The following PRKG1 variants were observed in gnomAD, a reference collection of about 807,000 sequenced individuals.
The protein encoded by PRKG1 is cGMP-dependent protein kinase 1.
PRKG1 carries 35 observed loss-of-function variants against 88.1 expected under a neutral mutation model. The observed-to-expected ratio is 0.40, with a 90% confidence interval of 0.30 to 0.53. PRKG1 has a LOEUF of 0.53. Among genes scored for constraint, PRKG1 ranks in the 20% least tolerant of loss-of-function variants. The pLI, the probability that PRKG1 is intolerant of heterozygous loss-of-function variation, is 0.59. For missense variants in PRKG1, 540 were observed against 839.8 expected (o/e 0.64, Z 4.41); for synonymous variants, 303 against 292.5 (o/e 1.04, Z -0.37).
At chr10:51,225,467 G>T (rs893277421) in intron 2 of PRKG1, among the ~76,000 whole-genome samples, 2 of 152,070 alleles carry the variant, frequency 1.3e-5, no homozygotes, top group Non-Finnish European at 2.9e-5. Context: ...CCAAAGAAAG[G>T]TCTACCAGGA....
At chr10:52,125,504 G>C (rs756889186) in intron 7 of PRKG1, among the ~76,000 whole-genome samples, 1 of 152,070 alleles carries the variant, frequency 6.6e-6, no homozygotes, top group East Asian at 1.9e-4. Context: ...TCACTTATCT[G>C]CAGGGAATAT....
At chr10:52,001,260 A>G (rs71508096) in intron 5 of PRKG1, among the ~76,000 whole-genome samples, 6 of 152,078 alleles carry the variant, frequency 3.9e-5, no homozygotes, top group Admixed American at 3.9e-4. Context: ...CACTTCAGTT[A>G]TAAGAAGAAT....
Position 51,412,215 on chromosome 10 carries a change from A to AG in PRKG1, c.479-55508_479-55507insG, listed in dbSNP as rs1564483266. Among the ~76,000 whole-genome samples, 931 of 120,126 alleles carry AG rather than the reference A, an allele frequency of 7.8e-3. 10 individuals carry two copies. Among genetic ancestry groups the AG allele is most frequent in the Non-Finnish European group, 8.8e-3 (533 of 60,322 alleles). 78.8% of individuals were successfully genotyped at this position (120,126 alleles called of 152,430 possible). A position where few individuals can be genotyped will look rare whatever the true frequency, so the allele number is the denominator to read the frequency against. On this transcript the variant is annotated intron_variant, in intron 2 of 17. Transcript: ENST00000373980. The stretch of plus-strand genomic sequence containing the variant: ...AGAGAGAGAGAGAGAGAGAGAGAGA[A>AG]AGAAAGAGAGAAAGAATTGTTCAGA...
intron 3 of PRKG1, among the ~76,000 whole-genome samples, chr10:51,770,021 G>A (rs1483270448): frequency 6.6e-6 from 1 of 152,210 alleles, no homozygotes; most frequent in Non-Finnish European, 1.5e-5. Context: ...CTAGGTTAAT[G>A]TATGTCTGTA....
intron 1 of PRKG1, among the ~76,000 whole-genome samples, chr10:51,126,032 A>T (rs1349651099): frequency 8.0e-6 from 1 of 124,338 alleles, no homozygotes; most frequent in African/African-American, 3.2e-5. Flanking sequence ...ATATATAATT[A>T]TATCTAATAT....
Position 51,166,999 on chromosome 10 carries a change from C to G in PRKG1, c.478+13669C>G, listed in dbSNP as rs1308385265. The stretch of plus-strand genomic sequence containing the variant: ...ATTAGTTCTTACATTCAAGAAACAC[C>G]TACTCAGTGATGATTATGTCTCAGT... On this transcript the variant is annotated intron_variant, in intron 2 of 17. Coordinates refer to ENST00000373980, the MANE Select transcript of PRKG1 (RefSeq NM_006258.4). Among the ~76,000 whole-genome samples, 5 of 151,954 alleles carry G rather than the reference C, an allele frequency of 3.3e-5. No individual in the cohort carries two copies. In the East Asian group the frequency reaches 9.6e-4, roughly 29 times the overall value.
At chr10:52,014,251 G>T (rs1564429636) in intron 5 of PRKG1, among the ~76,000 whole-genome samples, 2 of 152,194 alleles carry the variant, frequency 1.3e-5, no homozygotes, top group East Asian at 3.9e-4. Context: ...ATATGGCTAG[G>T]GAGGCCTCAA....
chr10:51,125,920 T>C (rs1845386708), intron 1 of PRKG1, among the ~76,000 whole-genome samples: 2 of 133,648 alleles, frequency 1.5e-5, no homozygotes, highest in African/African-American at 5.7e-5. Context: ...AATTTATAAA[T>C]ATATAAATTA....
intron 2 of PRKG1, among the ~76,000 whole-genome samples, chr10:51,254,810 G>A (rs554042472): frequency 1.9e-4 from 29 of 152,074 alleles, no homozygotes; most frequent in African/African-American, 6.5e-4. Flanking sequence ...CCAAATTTGT[G>A]TTACCTGAGG....
At chr10:52,028,009 G>A (rs575783874) in intron 5 of PRKG1, among the ~76,000 whole-genome samples, 13 of 152,152 alleles carry the variant, frequency 8.5e-5, no homozygotes, top group East Asian at 3.9e-4. Context: ...GGCTGGTCTC[G>A]AACTCCTGAC....
intron 2 of PRKG1, among the ~76,000 whole-genome samples, chr10:51,464,752 G>T (rs1371677653): frequency 2.7e-5 from 4 of 150,236 alleles, no homozygotes; most frequent in African/African-American, 7.3e-5. Context: ...TTAGCCGGGC[G>T]TAGTGGCGGG....
chr10:51,990,636 G>T (rs1034839344), intron 5 of PRKG1, among the ~76,000 whole-genome samples: 1 of 151,994 alleles, frequency 6.6e-6, no homozygotes, highest in Non-Finnish European at 1.5e-5. Flanking sequence ...GTGTCATGGA[G>T]GGTTGTTGTA....
At chr10:51,370,293 G>T (rs568374289) in intron 2 of PRKG1, among the ~76,000 whole-genome samples, 1 of 152,128 alleles carries the variant, frequency 6.6e-6, no homozygotes, top group African/African-American at 2.4e-5. Context: ...AGATGTAAAC[G>T]CTCCCTGGGT....
intron 8 of PRKG1, among the ~76,000 whole-genome samples, chr10:52,159,329 T>A (rs1838217384): frequency 6.6e-6 from 1 of 151,570 alleles, no homozygotes; most frequent in African/African-American, 2.4e-5. Context: ...CATAGAACAT[T>A]CATATTTTAA....
chr10:51,002,415 A>G (rs1486551269), intron 1 of PRKG1, among the ~76,000 whole-genome samples: 1 of 152,204 alleles, frequency 6.6e-6, no homozygotes, highest in Non-Finnish European at 1.5e-5. Context: ...ATATTTTAAT[A>G]ATCAAGTTAA....
At chr10:51,946,688 C>T (rs1413674253) in intron 5 of PRKG1, among the ~76,000 whole-genome samples, 1 of 152,070 alleles carries the variant, frequency 6.6e-6, no homozygotes, top group Non-Finnish European at 1.5e-5. Context: ...AGACAGGACC[C>T]TCAGCTGCAG....
chr10:52,076,368 C>G (rs1846629068), intron 7 of PRKG1, among the ~76,000 whole-genome samples: 1 of 152,198 alleles, frequency 6.6e-6, no homozygotes, highest in Admixed American at 6.5e-5. Context: ...ACCAGCCTGG[C>G]CAACATGGCG....
chr10:51,946,604 G>T (rs1387985537), intron 5 of PRKG1, among the ~76,000 whole-genome samples: 1 of 151,884 alleles, frequency 6.6e-6, no homozygotes, highest in Admixed American at 6.6e-5. Context: ...TCTACTTTTG[G>T]TCTTTGATGA....
chr10:51,255,378 T>C (rs1271901466), intron 2 of PRKG1, among the ~76,000 whole-genome samples: 1 of 152,080 alleles, frequency 6.6e-6, no homozygotes, highest in Non-Finnish European at 1.5e-5. Context: ...TAGTCCAGGC[T>C]CTCTCAAGAA....
Sources: allele counts gnomAD v4.1 joint callset (sites outside exome capture counted in the v4.1 genomes callset), GRCh38; gene constraint gnomAD v4.1.1; transcripts MANE v1.5; gene names NCBI Gene and HGNC (gene_info 2026-07-23, HGNC 2026-07-21).